Variants in CBL observed in about 807,000 individuals in gnomAD.
CBL encodes Cbl proto-oncogene.
CBL carries 45 observed loss-of-function variants against 96.9 expected under a neutral mutation model. The ratio of observed to expected loss-of-function variants is 0.46; its 90% confidence interval spans 0.37 to 0.60. CBL has a LOEUF of 0.60. Ranked by LOEUF, CBL falls within the 20% of genes least tolerant of loss-of-function variation. The pLI, the probability that CBL is intolerant of heterozygous loss-of-function variation, is 0.00. For synonymous variants in CBL, 420 were observed against 426.8 expected, an observed-to-expected ratio of 0.98 and a Z score of 0.20; for missense variants, 1,024 against 1,143.5, an observed-to-expected ratio of 0.90 and a Z score of 1.51.
intron 2 of CBL, among the ~76,000 whole-genome samples, chr11:119,264,472 T>TTCTCTTCTCTTCTCTTCTC (rs1949784843): frequency 7.9e-6 from 1 of 126,152 alleles, no homozygotes; most frequent in Admixed American, 9.0e-5. Flanking sequence ...CTTTTCTTCT[T>TTCTCTTCTCTTCTCTTCTC]TTCTCTTTTC....
At chr11:119,214,800 C>T (rs1949345292) in intron 1 of CBL, among the ~76,000 whole-genome samples, 1 of 151,622 alleles carries the variant, frequency 6.6e-6, no homozygotes, top group Non-Finnish European at 1.5e-5. Flanking sequence ...TAACATCTCT[C>T]TCTCTCGCCC....
intron 1 of CBL, among the ~76,000 whole-genome samples, chr11:119,229,180 TTGTGAAATGTAGTCTGTTTA>T (rs1949482632): frequency 1.3e-5 from 2 of 152,212 alleles, no homozygotes; most frequent in Non-Finnish European, 2.9e-5. Flanking sequence ...AATATTTTTG[TTGTGAAATGTAGTCTGTTTA>T]TAAATACCTG....
chr11:119,215,365 C>T lies in CBL; in HGVS notation c.195+8753C>T, dbSNP rs114830234. On this transcript the variant is annotated intron_variant, in intron 1 of 15. Transcript: ENST00000264033. ...TATTTATACTGTGATAAGTAATTTC[C>T]CTAATGATTAACCTAGAGTGCTAAG... Among the ~76,000 whole-genome samples, 459 of 152,024 alleles carry T rather than the reference C, an allele frequency of 3.0e-3. 2 individuals are homozygous for T. The highest frequency in any genetic ancestry group is 0.011 in the African/African-American group (449 of 41,456).
intron 2 of CBL, among the ~76,000 whole-genome samples, chr11:119,244,581 A>ATTTTTTTTTTTTTTTTTTTTTTTTTTTT: frequency 9.6e-6 from 1 of 104,394 alleles, no homozygotes; most frequent in South Asian, 4.5e-4. Context: ...TGCCCGGCTA[A>ATTTTTTTTTTTTTTTTTTTTTTTTTTTT]TTTTTTTTTT....
chr11:119,296,958 G>A lies in CBL; in HGVS notation c.2077G>A (p.Glu693Lys), dbSNP rs587778156. 3 of 1,612,040 alleles carry A rather than the reference G, an allele frequency of 1.9e-6. No homozygotes were observed. In the Admixed American group the frequency reaches 5.0e-5, roughly 27 times the overall value. The change falls in exon 13 of 16, where the codon GAG (glutamate) becomes AAG (lysine). Residue 693 changes from glutamate to lysine, a missense_variant. By Grantham distance (56) the Glu-to-Lys change is moderately conservative. Transcript: ENST00000264033. ...AAAACTGCCACCTGGGGAGCAATGT[G>A]AGGGTGAAGAGGACACAGAGTACAT... is the stretch of plus-strand genomic sequence containing the variant. Reference protein sequence around the residue: ...VPKLPPGEQCEGEEDTEYMTP... With the variant: ...VPKLPPGEQCKGEEDTEYMTP...
intron 2 of CBL, among the ~76,000 whole-genome samples, chr11:119,233,502 G>C (rs1445186814): frequency 6.6e-6 from 1 of 152,162 alleles, no homozygotes; most frequent in Non-Finnish European, 1.5e-5. Context: ...ACAAGGTGCT[G>C]GGATTACAGA....
chr11:119,214,921 G>T (rs1949346803), intron 1 of CBL, among the ~76,000 whole-genome samples: 3 of 135,156 alleles, frequency 2.2e-5, no homozygotes, highest in African/African-American at 5.7e-5. Context: ...TTTTTTTAGT[G>T]AGTGCTCATT....
intron 14 of CBL, among the ~76,000 whole-genome samples, chr11:119,297,844 G>C (rs1215355238): frequency 1.3e-5 from 2 of 152,180 alleles, no homozygotes; most frequent in Admixed American, 1.3e-4. Context: ...CACACTGCTG[G>C]TTCCTTTTGT....
chr11:119,304,010 G>C lies in CBL; in HGVS notation c.*4229G>C, dbSNP rs1296731219. ...GCTGGAGGTGTGGGCCCTGTCTTCGGGTCTCAGGACCCAAAGATCCTTTAG... is the reference window on the plus strand; with the variant it reads ...GCTGGAGGTGTGGGCCCTGTCTTCGCGTCTCAGGACCCAAAGATCCTTTAG... On this transcript the variant is annotated 3_prime_UTR_variant, in exon 16 of 16. Transcript: ENST00000264033. The C allele has an allele frequency of 1.3e-5, 3 of 233,448 alleles. No homozygotes were observed. The highest frequency in any genetic ancestry group is 6.6e-5 in the African/African-American group (3 of 45,284). 14.5% of individuals were successfully genotyped at this position (233,448 alleles called of 1,614,324 possible).
At position 119,212,115 on chromosome 11, in the gene CBL, C is replaced by T. The variant is rs1380894565; in HGVS notation, c.195+5503C>T. 1.1e-4 allele frequency among the ~76,000 whole-genome samples: 16 copies of T among 145,956 alleles called. No individual in the cohort carries two copies. The East Asian group carries it at 1.5e-3, about 14-fold the overall frequency. The stretch of plus-strand genomic sequence containing the variant: ...TGTATTTTTAGTAGAGATGGGGTTT[C>T]TCCATGTTGGGCAGGCTGGTCTCGA... On this transcript the variant is annotated intron_variant, in intron 1 of 15. Transcript: ENST00000264033.
intron 2 of CBL, among the ~76,000 whole-genome samples, chr11:119,264,083 T>C (rs972432929): frequency 6.6e-6 from 1 of 152,250 alleles, no homozygotes; most frequent in Admixed American, 6.5e-5. Context: ...TTGTATAATG[T>C]TTTACAGCTT....
chr11:119,283,293 A>G (rs2135308457), intron 9 of CBL, among the ~76,000 whole-genome samples: 1 of 152,376 alleles, frequency 6.6e-6, no homozygotes, highest in South Asian at 2.1e-4. Context: ...CTAATTGGGA[A>G]CCCGTTATCT....
Position 119,300,872 on chromosome 11 carries a change from A to C in CBL, c.*1091A>C. On this transcript the variant is annotated 3_prime_UTR_variant, in exon 16 of 16. Transcript: ENST00000264033. ...TTTTAGGAAGCTTCGTTCACATGCT[A>C]TTTAAATGCACAAAATAGACAGTAA... 3.4e-6 allele frequency: 1 copy of C among 298,082 alleles called. No individual in the cohort carries two copies. Among genetic ancestry groups the C allele is most frequent in the South Asian group, 1.6e-4 (1 of 6,136 alleles). The allele number at this position is 298,082 out of a possible 1,614,324, so 18.5% of individuals were successfully genotyped here.
At chr11:119,207,048 TCTGAC>T (rs1949275562) in intron 1 of CBL, among the ~76,000 whole-genome samples, 2 of 152,010 alleles carry the variant, frequency 1.3e-5, no homozygotes, top group African/African-American at 4.8e-5. Context: ...CTGGGTGAGA[TCTGAC>T]TAGGGAATTA....
At chr11:119,227,808 C>A (rs1306543736) in intron 1 of CBL, among the ~76,000 whole-genome samples, 5 of 152,158 alleles carry the variant, frequency 3.3e-5, no homozygotes, top group Non-Finnish European at 5.9e-5. Flanking sequence ...CCTTGGCCTC[C>A]CAAAGTGCTG....
chr11:119,246,060 T>C (rs7114456), intron 2 of CBL, among the ~76,000 whole-genome samples: 92,572 of 144,264 alleles, frequency 0.64, 30,893 homozygotes, highest in East Asian at 0.88. Flanking sequence ...CTGCAGCCTC[T>C]GCCTCCTGGG....
chr11:119,249,649 A>G (rs1446998779), intron 2 of CBL, among the ~76,000 whole-genome samples: 2 of 141,772 alleles, frequency 1.4e-5, no homozygotes, highest in Non-Finnish European at 3.1e-5. Flanking sequence ...ATTTTGGTAC[A>G]GTTTCTTTCT....
chr11:119,226,548 T>C (rs1038114412), intron 1 of CBL, among the ~76,000 whole-genome samples: 20 of 152,128 alleles, frequency 1.3e-4, no homozygotes, highest in African/African-American at 4.6e-4. Flanking sequence ...ACCTCCTCCT[T>C]CTGGGTTCAA....
intron 2 of CBL, among the ~76,000 whole-genome samples, chr11:119,239,968 T>G (rs1949572505): frequency 6.6e-6 from 1 of 152,128 alleles, no homozygotes; most frequent in Admixed American, 6.6e-5. Flanking sequence ...TGTTGACTCA[T>G]AAAATTCTAG....
Sources: allele counts gnomAD v4.1 joint callset (sites outside exome capture counted in the v4.1 genomes callset), GRCh38; gene constraint gnomAD v4.1.1; transcripts MANE v1.5; gene names NCBI Gene and HGNC (gene_info 2026-07-23, HGNC 2026-07-21).